Variants in CXCR5 observed in about 807,000 individuals in gnomAD.
CXCR5 encodes C-X-C chemokine receptor type 5.
A neutral mutation model predicts 5.6 loss-of-function variants in CXCR5; 3 were observed. The observed-to-expected ratio is 0.54, with a 90% CI of 0.24 to 1.39. The LOEUF is 1.39. CXCR5 is among the 40% of genes most tolerant of loss of function. The pLI, the probability that CXCR5 is intolerant of heterozygous loss-of-function variation, is 0.16. For synonymous variants in CXCR5, 218 were observed against 219.9 expected (o/e 0.99, Z 0.08); for missense variants, 333 against 494.6 (o/e 0.67, Z 3.10).
chr11:118,893,451 T>C lies in CXCR5; in HGVS notation c.52-145T>C. On this transcript the variant is annotated intron_variant, in intron 1 of 1. Transcript: ENST00000292174. The surrounding 1 kb of genome is among the most constrained non-coding windows in gnomAD (Gnocchi z 5.7). The stretch of plus-strand genomic sequence containing the variant: ...AAAACTGAAGTTGGAAAAGACAAAG[T>C]GATTTGTTCAAAATTGAAATTTGAA... 7.1e-7 allele frequency: 1 copy of C among 1,414,622 alleles called. No homozygotes were observed. Among genetic ancestry groups the C allele is most frequent in the Non-Finnish European group, 9.2e-7 (1 of 1,082,952 alleles). 87.6% of individuals were successfully genotyped at this position (1,414,622 alleles called of 1,614,324 possible). A position where few individuals can be genotyped will look rare whatever the true frequency, so the allele number is the denominator to read the frequency against.
At chr11:118,885,698 G>T in intron 1 of CXCR5, 1 of 152,912 alleles carries the variant, frequency 6.5e-6, no homozygotes, top group Middle Eastern at 2.7e-3. Context: ...CTAACTGCAC[G>T]CCTCACCTCA....
At chr11:118,887,413 G>T (rs60587297) in intron 1 of CXCR5, 33 of 985,410 alleles carry the variant, frequency 3.3e-5, no homozygotes, top group Non-Finnish European at 4.0e-5. Context: ...GCAAAGAGAC[G>T]CTGGGGTGCC....
Position 118,895,033 on chromosome 11 carries a change from G to A in CXCR5, c.*370G>A. 1 of 200,918 alleles carries A rather than the reference G, an allele frequency of 5.0e-6. No homozygotes were observed. Among genetic ancestry groups the A allele is most frequent in the East Asian group, 1.4e-4 (1 of 7,038 alleles). 12.4% of individuals were successfully genotyped at this position (200,918 alleles called of 1,614,324 possible). A position where few individuals can be genotyped will look rare whatever the true frequency, so the allele number is the denominator to read the frequency against. ...CAACGGAGAGCGCCTGCCCCTCCCA[G>A]AACACACTCCATCAGCTTAGGGGCT... On this transcript the variant is annotated 3_prime_UTR_variant, in exon 2 of 2. Transcript: ENST00000292174. This position sits in a 1 kb window ranked among gnomAD's most constrained non-coding sequence, Gnocchi z 4.2.
In CXCR5 at chr11:118,897,720, C is replaced by G. The variant is rs1316112867; in HGVS notation, c.*3057C>G. ...CCTGGGTCCAGGGGAATGGAGGGAG[C>G]AATAACTTGAAGAAGGGGGGAAGGG... On this transcript the variant is annotated 3_prime_UTR_variant, in exon 2 of 2. Coordinates refer to ENST00000292174, the MANE Select transcript of CXCR5 (RefSeq NM_001716.5). The G allele has an allele frequency of 2.2e-6, 1 of 448,884 alleles. No homozygotes were observed. The highest frequency in any genetic ancestry group is 7.0e-5 in the East Asian group (1 of 14,364). The allele number at this position is 448,884 out of a possible 1,614,324, so 27.8% of individuals were successfully genotyped here. A position where few individuals can be genotyped will look rare whatever the true frequency, so the allele number is the denominator to read the frequency against.
At chr11:118,885,078 G>T (rs1939689783) in intron 1 of CXCR5, among the ~76,000 whole-genome samples, 1 of 152,122 alleles carries the variant, frequency 6.6e-6, no homozygotes, top group Non-Finnish European at 1.5e-5. Flanking sequence ...TGGACTTTGT[G>T]GAGTGGACTT....
Position 118,896,102 on chromosome 11 carries a change from G to C in CXCR5, c.*1439G>C, listed in dbSNP as rs1939909865. 1 of 166,994 alleles carries C rather than the reference G, an allele frequency of 6.0e-6. No individual in the cohort carries two copies. The highest frequency in any genetic ancestry group is 2.4e-5 in the African/African-American group (1 of 41,400). The allele number at this position is 166,994 out of a possible 1,614,324, so 10.3% of individuals were successfully genotyped here. ...TCCTCGCAAGCTGGGTAATCGATGG[G>C]GGAGTCTGAAGCAGATGCAAAGAGG... On this transcript the variant is annotated 3_prime_UTR_variant, in exon 2 of 2. Coordinates refer to ENST00000292174, the MANE Select transcript of CXCR5 (RefSeq NM_001716.5).
At chr11:118,887,608 T>A (rs773868977) in intron 1 of CXCR5, 9 of 196,992 alleles carry the variant, frequency 4.6e-5, no homozygotes, top group Non-Finnish European at 8.2e-5. Context: ...ATGTGACAAA[T>A]GGCAAGCCAG....
At chr11:118,890,585 G>A (rs1343388072) in intron 1 of CXCR5, among the ~76,000 whole-genome samples, 52 of 151,986 alleles carry the variant, frequency 3.4e-4, no homozygotes, top group Admixed American at 3.4e-3. Flanking sequence ...GGAATGTGTT[G>A]GGGTGTTGGG....
At chr11:118,889,711 C>T (rs1274893904) in intron 1 of CXCR5, among the ~76,000 whole-genome samples, 2 of 152,292 alleles carry the variant, frequency 1.3e-5, no homozygotes, top group South Asian at 2.1e-4. Flanking sequence ...AACCAGCTTC[C>T]TCCCATCTTA....
At position 118,894,375 on chromosome 11, in the gene CXCR5, C is replaced by T. The variant is rs1357005328; in HGVS notation, c.831C>T (p.Ile277=). The T allele has an allele frequency of 1.2e-5, 20 of 1,614,212 alleles. No homozygotes were observed. Among genetic ancestry groups the T allele is most frequent in the East Asian group, 4.5e-5 (2 of 44,878 alleles). The change falls in exon 2 of 2, where the codon ATC becomes ATT. Residue 277 remains isoleucine, a synonymous_variant. Coordinates refer to ENST00000292174, the MANE Select transcript of CXCR5 (RefSeq NM_001716.5). This position sits in a 1 kb window ranked among gnomAD's most constrained non-coding sequence, Gnocchi z 6.1. ...IFFLCWSPYH[I]VIFLDTLARL... is the part of the protein sequence containing the mutation. ...TCCTCTGCTGGTCACCCTACCACAT[C>T]GTCATCTTCCTGGACACCCTGGCGA...
At position 118,897,166 on chromosome 11, in the gene CXCR5, A is replaced by C. The variant is rs1366302691; in HGVS notation, c.*2503A>C. 6.5e-6 allele frequency: 1 copy of C among 153,758 alleles called. No individual in the cohort carries two copies. Among genetic ancestry groups the C allele is most frequent in the Non-Finnish European group, 1.5e-5 (1 of 68,850 alleles). The allele number at this position is 153,758 out of a possible 1,614,324, so 9.5% of individuals were successfully genotyped here. On this transcript the variant is annotated 3_prime_UTR_variant, in exon 2 of 2. Transcript: ENST00000292174. Reference sequence around the variant, plus strand: ...TGGAGACTGGAGGGGAGGTGCACTGACTCAGATGAACTGTTCTCCCCCTTC... The same window carrying C: ...TGGAGACTGGAGGGGAGGTGCACTGCCTCAGATGAACTGTTCTCCCCCTTC...
rs557350357 is a variant in CXCR5 at position 118,896,412 on chromosome 11, A to G, written c.*1749A>G. Reference sequence around the variant, plus strand: ...CGGAGAGGGCACTCGGCCCGCTGCAATCTGACCCCTCTCTCCTCAGGGCAG... The same window carrying G: ...CGGAGAGGGCACTCGGCCCGCTGCAGTCTGACCCCTCTCTCCTCAGGGCAG... On this transcript the variant is annotated 3_prime_UTR_variant, in exon 2 of 2. Coordinates refer to ENST00000292174, the MANE Select transcript of CXCR5 (RefSeq NM_001716.5). 1 of 152,296 alleles carries G rather than the reference A, an allele frequency of 6.6e-6. No homozygotes were observed. The highest frequency in any genetic ancestry group is 6.5e-5 in the Admixed American group (1 of 15,276). 9.4% of individuals were successfully genotyped at this position (152,296 alleles called of 1,614,324 possible). A position where few individuals can be genotyped will look rare whatever the true frequency, so the allele number is the denominator to read the frequency against.
chr11:118,887,947 G>C lies in CXCR5; in HGVS notation c.51+3955G>C, dbSNP rs533913647. On this transcript the variant is annotated intron_variant, in intron 1 of 1. Coordinates refer to ENST00000292174, the MANE Select transcript of CXCR5 (RefSeq NM_001716.5). ...CTGGGGTTCGGCCTGAGTAAGCCAC[G>C]CATGCAGGCAGCCCTGCCCCCTCCT... is the stretch of plus-strand genomic sequence containing the variant. Among the ~76,000 whole-genome samples the C allele has an allele frequency of 1.4e-4, 21 of 152,340 alleles. No individual in the cohort carries two copies. In the East Asian group the frequency reaches 3.5e-3, roughly 25 times the overall value.
chr11:118,887,121 T>A (rs879234538), intron 1 of CXCR5: 2 of 465,058 alleles, frequency 4.3e-6, no homozygotes, highest in South Asian at 1.8e-4. Flanking sequence ...TGGGTCAGGG[T>A]CAAAGTGAAT....
Position 118,893,677 on chromosome 11 carries a change from C to A in CXCR5, c.133C>A (p.Leu45Ile), listed in dbSNP as rs766962684. ...TCTCTGCCCTGCCACAGAGGGGCCC[C>A]TCATGGCCTCCTTCAAGGCCGTGTT... ...NHLCPATEGPLMASFKAVFVP... is the reference protein window; with the variant it reads ...NHLCPATEGPIMASFKAVFVP... The change falls in exon 2 of 2, where the codon CTC (leucine) becomes ATC (isoleucine). Residue 45 changes from leucine to isoleucine, a missense_variant. Coordinates refer to ENST00000292174, the MANE Select transcript of CXCR5 (RefSeq NM_001716.5). The surrounding 1 kb of genome is among the most constrained non-coding windows in gnomAD (Gnocchi z 5.7). 1 of 1,614,074 alleles carries A rather than the reference C, an allele frequency of 6.2e-7. No individual in the cohort carries two copies. The highest frequency in any genetic ancestry group is 1.1e-5 in the South Asian group (1 of 91,080).
Position 118,893,787 on chromosome 11 carries a change from G to C in CXCR5, c.243G>C (p.Gln81His). The C allele has an allele frequency of 1.9e-6, 3 of 1,614,118 alleles. No individual in the cohort carries two copies. The highest frequency in any genetic ancestry group is 2.5e-6 in the Non-Finnish European group (3 of 1,179,986). Residue 81 changes from glutamine to histidine, a missense_variant, in exon 2 of 2, where the codon CAG (glutamine) becomes CAC (histidine). Coordinates refer to ENST00000292174, the MANE Select transcript of CXCR5 (RefSeq NM_001716.5). This position sits in a 1 kb window ranked among gnomAD's most constrained non-coding sequence, Gnocchi z 5.7. ...LVLVILERHR[Q>H]TRSSTETFLF... ...TGGTGATCCTGGAGCGGCACCGGCA[G>C]ACACGCAGTTCCACGGAGACCTTCC...
rs575646091 is a variant in CXCR5, at chr11:118,896,446, G to A, written c.*1783G>A. The A allele has an allele frequency of 6.5e-6, 1 of 152,678 alleles. No individual in the cohort carries two copies. The highest frequency in any genetic ancestry group is 2.1e-4 in the South Asian group (1 of 4,826). 9.5% of individuals were successfully genotyped at this position (152,678 alleles called of 1,614,324 possible). A position where few individuals can be genotyped will look rare whatever the true frequency, so the allele number is the denominator to read the frequency against. ...CTCTCTCCTCAGGGCAGGAAACACA[G>A]AGTCAGACAGTTTGGGGGGGTCTTG... On this transcript the variant is annotated 3_prime_UTR_variant, in exon 2 of 2. Transcript: ENST00000292174.
At chr11:118,885,195 C>T (rs1424277815) in intron 1 of CXCR5, among the ~76,000 whole-genome samples, 1 of 152,152 alleles carries the variant, frequency 6.6e-6, no homozygotes, top group Non-Finnish European at 1.5e-5. Flanking sequence ...AGAAAGTGGG[C>T]AGAAGGGCTG....
chr11:118,893,703 C>T lies in CXCR5; in HGVS notation c.159C>T (p.Phe53=), dbSNP rs373651751. 3.0e-5 allele frequency: 49 copies of T among 1,614,198 alleles called. No individual in the cohort carries two copies. Among genetic ancestry groups the T allele is most frequent in the East Asian group, 6.7e-5 (3 of 44,872 alleles). Residue 53 remains phenylalanine, a synonymous_variant, in exon 2 of 2, where the codon TTC becomes TTT. Coordinates refer to ENST00000292174, the MANE Select transcript of CXCR5 (RefSeq NM_001716.5). The surrounding 1 kb of genome is among the most constrained non-coding windows in gnomAD (Gnocchi z 5.7). ...GPLMASFKAV[F]VPVAYSLIFL... is the part of the protein sequence containing the mutation. ...TCATGGCCTCCTTCAAGGCCGTGTT[C>T]GTGCCCGTGGCCTACAGCCTCATCT...
Sources: gnomAD v4.1 joint callset for allele counts (sites outside exome capture counted in the v4.1 genomes callset) on GRCh38, gnomAD v4.1.1 for gene constraint, Gnocchi (gnomAD v3.1) non-coding constraint, MANE v1.5 for transcripts, NCBI Gene and HGNC (gene_info 2026-07-23, HGNC 2026-07-21) for gene names.